Variants in OSCP1 observed in about 807,000 individuals in gnomAD.
OSCP1 encodes organic solute carrier partner 1, also known as protein OSCP1.
Under a neutral mutation model 45.1 loss-of-function variants are expected in OSCP1, and 35 were observed. The observed-to-expected ratio is 0.78, with a 90% CI of 0.59 to 1.03. OSCP1 has a LOEUF of 1.03. Among genes scored for constraint, OSCP1 ranks in the 50% least tolerant of loss-of-function variants. The pLI is 0.00. For missense variants in OSCP1, 400 were observed against 470.7 expected (o/e 0.85, Z 1.39); for synonymous variants, 179 against 180.1 (o/e 0.99, Z 0.05).
chr1:36,446,909 A>G (rs1187982646), intron 1 of OSCP1, among the ~76,000 whole-genome samples: 4 of 152,226 alleles, frequency 2.6e-5, no homozygotes, highest in Non-Finnish European at 5.9e-5. Flanking sequence ...AACAGGAGAC[A>G]ACATTCAATA....
intron 5 of OSCP1, 56 bp downstream of exon 5, chr1:36,423,307 C>G: frequency 7.4e-7 from 1 of 1,346,176 alleles, no homozygotes; most frequent in Non-Finnish European, 1.1e-6. Context: ...GTGTGCGGCC[C>G]ATGTGCTGAT....
Position 36,432,572 on chromosome 1 carries a change from G to A in OSCP1, c.285C>T (p.Thr95=), listed in dbSNP as rs1315892609. The change falls in exon 3 of 10, where the codon ACC becomes ACT. Residue 95 remains threonine (T), a synonymous_variant. Coordinates refer to ENST00000235532, the MANE Select transcript of OSCP1 (RefSeq NM_145047.5). ...ASMDKLYDLM[T]MAFKYQVLLC... ...GCAATACTTGATATTTGAAAGCCAT[G>A]GTCATCAGGTCATAGAGCTGCCAAC... 1.9e-6 allele frequency: 3 copies of A among 1,614,142 alleles called. No individual in the cohort carries two copies. In the Admixed American group the frequency reaches 5.0e-5, roughly 27 times the overall value.
intron 4 of OSCP1, among the ~76,000 whole-genome samples, chr1:36,426,047 A>T (rs1484787159): frequency 6.6e-6 from 1 of 152,182 alleles, no homozygotes; most frequent in African/African-American, 2.4e-5. Context: ...TCAGGGGAAC[A>T]TGTAAACTGG....
intron 7 of OSCP1, 36 bp from the exon 8 acceptor site, chr1:36,420,651 A>G (rs755765491): frequency 7.5e-6 from 12 of 1,608,114 alleles, no homozygotes; most frequent in Non-Finnish European, 1.0e-5. Context: ...AGCCACATGA[A>G]GGCAATCACA....
intron 2 of OSCP1, among the ~76,000 whole-genome samples, chr1:36,438,116 G>A (rs1648873022): frequency 6.6e-6 from 1 of 152,096 alleles, no homozygotes; most frequent in South Asian, 2.1e-4. Flanking sequence ...TTGGGAGTTT[G>A]CAACCAGCCT....
intron 7 of OSCP1, among the ~76,000 whole-genome samples, chr1:36,421,706 G>T (rs571513794): frequency 6.6e-6 from 1 of 152,356 alleles, no homozygotes; most frequent in Admixed American, 6.5e-5. Flanking sequence ...CCTACAGCTA[G>T]CTGGGAGCTA....
rs961296248 is a variant in OSCP1, at chr1:36,447,126, T to C, written c.112+3132A>G. Among the ~76,000 whole-genome samples, 1 of 152,202 alleles carries C rather than the reference T, an allele frequency of 6.6e-6. No individual in the cohort carries two copies. Among genetic ancestry groups the C allele is most frequent in the African/African-American group, 2.4e-5 (1 of 41,446 alleles). On this transcript the variant is annotated intron_variant, in intron 1 of 9. Coordinates refer to ENST00000235532, the MANE Select transcript of OSCP1 (RefSeq NM_145047.5). The surrounding 1 kb of genome is among the most constrained non-coding windows in gnomAD (Gnocchi z 4.1). ...CTCAAAGCTTCGAAGAGGACTAGTTTACCAAGTCTAGTGTTTTATAGGCTC... is the reference window on the plus strand; with the variant it reads ...CTCAAAGCTTCGAAGAGGACTAGTTCACCAAGTCTAGTGTTTTATAGGCTC...
At chr1:36,425,802 A>AT (rs1192303844) in intron 4 of OSCP1, among the ~76,000 whole-genome samples, 1 of 152,058 alleles carries the variant, frequency 6.6e-6, no homozygotes, top group Non-Finnish European at 1.5e-5. Flanking sequence ...CAATACTCTT[A>AT]TTATTACAAG....
intron 6 of OSCP1, 54 bp downstream of exon 6, chr1:36,422,714 T>G (rs999266936): frequency 2.9e-6 from 4 of 1,399,638 alleles, no homozygotes; most frequent in Non-Finnish European, 3.8e-6. Flanking sequence ...TTTTTTTTTT[T>G]AAATGAAGTG....
chr1:36,448,557 G>T (rs1649675742), intron 1 of OSCP1, among the ~76,000 whole-genome samples: 1 of 152,210 alleles, frequency 6.6e-6, no homozygotes, highest in South Asian at 2.1e-4. Flanking sequence ...ATGGCCAGTG[G>T]TAAGGTACTG....
chr1:36,418,950 A>T, intron 9 of OSCP1, 41 bp downstream of exon 9: 1 of 1,444,696 alleles, frequency 6.9e-7, no homozygotes. Flanking sequence ...AAAGATGAGG[A>T]AGCGAATACG....
intron 4 of OSCP1, among the ~76,000 whole-genome samples, chr1:36,429,676 G>A (rs1206510101): frequency 4.6e-5 from 7 of 151,284 alleles, no homozygotes; most frequent in Non-Finnish European, 1.0e-4. Flanking sequence ...CACCATGCCT[G>A]GCTAATTTTT....
At position 36,431,801 on chromosome 1, in the gene OSCP1, C is replaced by T. The variant is rs143351034; in HGVS notation, c.516+1G>A. The T allele has an allele frequency of 1.9e-6, 3 of 1,613,362 alleles. No homozygotes were observed. The highest frequency in any genetic ancestry group is 2.5e-6 in the Non-Finnish European group (3 of 1,179,858). ...GTTCCCAGGGCTGCCTATTGACTTA[C>T]TCGGATGTGCAGGTCTTGGAAGAAG... On this transcript the variant is annotated splice_donor_variant, in intron 4 of 9. Transcript: ENST00000235532. LOFTEE classifies it high-confidence loss of function.
chr1:36,421,208 C>A (rs1302690311), intron 7 of OSCP1, among the ~76,000 whole-genome samples: 2 of 152,060 alleles, frequency 1.3e-5, no homozygotes, highest in East Asian at 3.9e-4. Flanking sequence ...GAACAAAGCC[C>A]AAATTGTTTA....
intron 4 of OSCP1, among the ~76,000 whole-genome samples, chr1:36,429,380 T>C (rs1024349477): frequency 7.2e-6 from 1 of 139,042 alleles, no homozygotes; most frequent in Non-Finnish European, 1.6e-5. Flanking sequence ...AATGAGAACC[T>C]GTCTCAAAAA....
At chr1:36,428,321 T>C (rs770354648) in intron 4 of OSCP1, 1 of 1,611,200 alleles carries the variant, frequency 6.2e-7, no homozygotes, top group East Asian at 2.2e-5. Flanking sequence ...TTTAAAATTT[T>C]ATTTTGCCCA....
At chr1:36,446,648 G>A (rs1365150152) in intron 1 of OSCP1, among the ~76,000 whole-genome samples, 1 of 152,194 alleles carries the variant, frequency 6.6e-6, no homozygotes, top group African/African-American at 2.4e-5. Context: ...TCTGTTTTGA[G>A]TGGGGGCAGG....
intron 4 of OSCP1, among the ~76,000 whole-genome samples, chr1:36,429,313 G>A (rs777656613): frequency 6.6e-6 from 1 of 151,574 alleles, no homozygotes; most frequent in African/African-American, 2.4e-5. Flanking sequence ...TTGAGCCCAG[G>A]AGATTGAGGC....
intron 3 of OSCP1, 89 bp from the exon 4 acceptor site, chr1:36,431,971 G>C (rs890280361): frequency 3.4e-6 from 4 of 1,193,922 alleles, no homozygotes; most frequent in Non-Finnish European, 4.8e-6. Flanking sequence ...TCAGGGATGG[G>C]AGCCAGATAG....
Sources: allele counts gnomAD v4.1 joint callset (sites outside exome capture counted in the v4.1 genomes callset), GRCh38; gene constraint gnomAD v4.1.1; non-coding constraint Gnocchi (gnomAD v3.1); transcripts MANE v1.5; gene names NCBI Gene and HGNC (gene_info 2026-07-23, HGNC 2026-07-21).